ERC1: variants seen among roughly 807,000 people sequenced by gnomAD.
ERC1 encodes the protein ELKS/RAB6-interacting/CAST family member 1.
A neutral mutation model predicts 132.0 loss-of-function variants in ERC1; 56 were observed. The ratio of observed to expected loss-of-function variants is 0.42; its 90% confidence interval spans 0.34 to 0.53. ERC1 has a LOEUF of 0.53. ERC1 is among the 20% of genes least tolerant of loss of function. The probability of loss-of-function intolerance (pLI) is 0.03; values close to 1 mark genes in which losing one functional copy is unlikely to be tolerated. For synonymous variants in ERC1, 478 were observed against 476.1 expected (o/e 1.00, Z -0.05); for missense variants, 1,202 against 1,349.9 (o/e 0.89, Z 1.72).
chr12:1,174,291 T>G (rs750666298), intron 8 of ERC1, among the ~76,000 whole-genome samples: 19 of 152,382 alleles, frequency 1.2e-4, no homozygotes, highest in Non-Finnish European at 2.5e-4. Context: ...GTAATCTTAG[T>G]GTCCACTGTT....
Position 1,460,418 on chromosome 12 carries a change from G to A in ERC1, c.3213+15668G>A, listed in dbSNP as rs566326472. ...GGTGGAGCTTTGTGTGGGCTGAGTC[G>A]GTGTTACCCCATGAGCAGTGCTGCC... On this transcript the variant is annotated intron_variant, in intron 18 of 18. Coordinates refer to ENST00000360905, the MANE Select transcript of ERC1 (RefSeq NM_178040.4). 3.1e-4 allele frequency among the ~76,000 whole-genome samples: 47 copies of A among 152,186 alleles called. No individual in the cohort carries two copies. The East Asian group carries it at 5.4e-3, about 18-fold the overall frequency.
chr12:1,013,745 T>A (rs1965063050), intron 1 of ERC1, among the ~76,000 whole-genome samples: 1 of 151,868 alleles, frequency 6.6e-6, no homozygotes, highest in South Asian at 2.1e-4. Flanking sequence ...TCTGTCTGTC[T>A]TTGGGTCTGT....
rs138149925 is a variant in ERC1, at chr12:1,467,919, G to A, written c.3214-22174G>A. On this transcript the variant is annotated intron_variant, in intron 18 of 18. Coordinates refer to ENST00000360905, the MANE Select transcript of ERC1 (RefSeq NM_178040.4). ...TAATGCCTCAGCTGATCTGACAAGAGACGGAACTCAGGCAGTAATGCACGC... is the reference window on the plus strand; with the variant it reads ...TAATGCCTCAGCTGATCTGACAAGAAACGGAACTCAGGCAGTAATGCACGC... Among the ~76,000 whole-genome samples the A allele has an allele frequency of 2.4e-4, 37 of 152,334 alleles. 1 individual carries two copies. The East Asian group carries it at 7.1e-3, about 29-fold the overall frequency.
rs75185964 is a variant in ERC1 at position 1,114,418 on chromosome 12, C to T, written c.1402-1448C>T. On this transcript the variant is annotated intron_variant, in intron 6 of 18. Transcript: ENST00000360905. ...GCTTACTTAATAATGCAGATGATGACGAAACAGATTTTTATATTTATTTTT... is the reference window on the plus strand; with the variant it reads ...GCTTACTTAATAATGCAGATGATGATGAAACAGATTTTTATATTTATTTTT... Among the ~76,000 whole-genome samples the T allele has an allele frequency of 4.4e-3, 667 of 152,208 alleles. 4 individuals carry two copies. The highest frequency in any genetic ancestry group is 0.017 in the East Asian group (89 of 5,178).
At chr12:1,103,972 C>T (rs534553734) in intron 3 of ERC1, among the ~76,000 whole-genome samples, 1 of 150,768 alleles carries the variant, frequency 6.6e-6, no homozygotes, top group Admixed American at 6.6e-5. Flanking sequence ...CCTGGATTCC[C>T]AAGAGCCTGT....
chr12:1,291,223 G>A (rs768506932), intron 15 of ERC1, among the ~76,000 whole-genome samples: 17 of 152,182 alleles, frequency 1.1e-4, no homozygotes, highest in Non-Finnish European at 2.2e-4. Flanking sequence ...ACGAGATTCT[G>A]TCCTTTTAGA....
At chr12:1,066,242 C>T (rs994574208) in intron 2 of ERC1, among the ~76,000 whole-genome samples, 3 of 152,148 alleles carry the variant, frequency 2.0e-5, no homozygotes, top group East Asian at 1.9e-4. Context: ...TTCGCTATGG[C>T]GATTAATATA....
intron 14 of ERC1, among the ~76,000 whole-genome samples, chr12:1,267,480 G>A (rs1297075233): frequency 2.0e-5 from 3 of 152,158 alleles, no homozygotes; most frequent in East Asian, 1.9e-4. Context: ...TCACTGGGCC[G>A]GGATACAGTG....
At chr12:1,469,186 G>T (rs1452275673) in intron 18 of ERC1, among the ~76,000 whole-genome samples, 1 of 152,218 alleles carries the variant, frequency 6.6e-6, no homozygotes, top group African/African-American at 2.4e-5. Context: ...GTGACTCCAC[G>T]CAGCTCTCTT....
At chr12:1,269,536 G>A (rs1412052823) in intron 14 of ERC1, among the ~76,000 whole-genome samples, 1 of 152,178 alleles carries the variant, frequency 6.6e-6, no homozygotes, top group Non-Finnish European at 1.5e-5. Context: ...CCATTAAAGA[G>A]TTTTAAAGAG....
At chr12:1,180,734 ACTG>A (rs1954353566) in intron 9 of ERC1, 57 bp downstream of exon 9, 1 of 1,600,588 alleles carries the variant, frequency 6.2e-7, no homozygotes, top group Admixed American at 1.7e-5. Flanking sequence ...TTAATCTAAG[ACTG>A]GATATAGAAT....
chr12:1,080,480 T>G (rs1054914491), intron 2 of ERC1, among the ~76,000 whole-genome samples: 2 of 152,340 alleles, frequency 1.3e-5, no homozygotes, highest in South Asian at 2.1e-4. Context: ...AGGCTGAAAA[T>G]CATTAGCAGG....
At chr12:1,316,444 A>G (rs2081730905) in intron 15 of ERC1, among the ~76,000 whole-genome samples, 1 of 152,108 alleles carries the variant, frequency 6.6e-6, no homozygotes, top group African/African-American at 2.4e-5. Flanking sequence ...TATTTATTCC[A>G]GCTATTCTTG....
chr12:1,272,073 T>G (rs1594698850), intron 14 of ERC1, among the ~76,000 whole-genome samples: 2 of 152,212 alleles, frequency 1.3e-5, no homozygotes, highest in Non-Finnish European at 2.9e-5. Context: ...GTTAGAAACC[T>G]TGGTTGGAAT....
At chr12:1,245,011 A>C (rs913618679) in intron 13 of ERC1, 5 of 152,838 alleles carry the variant, frequency 3.3e-5, no homozygotes, top group Admixed American at 6.5e-5. Flanking sequence ...TGTTAAGTTC[A>C]TCACTGGCTT....
At chr12:1,486,411 T>TTTTTATTTTATTTTA (rs141283306) in intron 18 of ERC1, among the ~76,000 whole-genome samples, 32 of 150,974 alleles carry the variant, frequency 2.1e-4, no homozygotes, top group Middle Eastern at 3.5e-3. Flanking sequence ...TGTGAAGCAC[T>TTTTTATTTTATTTTA]TTTTACTTTA....
intron 12 of ERC1, among the ~76,000 whole-genome samples, chr12:1,200,383 G>T (rs1594171237): frequency 6.6e-6 from 1 of 152,088 alleles, no homozygotes; most frequent in Non-Finnish European, 1.5e-5. Flanking sequence ...TTTTGAAAAA[G>T]AAAACTTTAC....
At chr12:1,269,361 A>G (rs781122605) in intron 14 of ERC1, among the ~76,000 whole-genome samples, 37 of 152,208 alleles carry the variant, frequency 2.4e-4, no homozygotes, top group Non-Finnish European at 4.4e-4. Context: ...CTTGAAGGCT[A>G]AGAAGCTTAC....
At chr12:1,110,924 G>C (rs1945786008) in intron 5 of ERC1, among the ~76,000 whole-genome samples, 1 of 152,022 alleles carries the variant, frequency 6.6e-6, no homozygotes, top group Non-Finnish European at 1.5e-5. Flanking sequence ...GGCTGGTCTT[G>C]AACTCCTGAC....
Sources: gnomAD v4.1 joint callset for allele counts (sites outside exome capture counted in the v4.1 genomes callset) on GRCh38, gnomAD v4.1.1 for gene constraint, MANE v1.5 for transcripts, NCBI Gene and HGNC (gene_info 2026-07-23, HGNC 2026-07-21) for gene names.